The following DCC variants were observed in gnomAD, a reference collection of about 807,000 sequenced individuals.
DCC encodes netrin receptor DCC.
A neutral mutation model predicts 172.5 loss-of-function variants in DCC; 58 were observed. That is an observed-to-expected ratio of 0.34 (90% CI 0.27 to 0.42). The LOEUF (loss-of-function observed/expected upper bound fraction) is 0.42. Among genes scored for constraint, DCC ranks in the 10% least tolerant of loss-of-function variants. The probability of loss-of-function intolerance (pLI) is 1.00; values close to 1 mark genes in which losing one functional copy is unlikely to be tolerated. For synonymous variants in DCC, 709 were observed against 644.5 expected (o/e 1.10, Z -1.52); for missense variants, 1,740 against 1,791.0 (o/e 0.97, Z 0.51).
intron 1 of DCC, among the ~76,000 whole-genome samples, chr18:52,701,264 A>C (rs2036118588): frequency 6.6e-6 from 1 of 152,102 alleles, no homozygotes; most frequent in African/African-American, 2.4e-5. Context: ...CTTCTTATTG[A>C]TATCCTAGCT....
At chr18:53,139,061 A>G (rs368310520) in intron 7 of DCC, among the ~76,000 whole-genome samples, 3 of 152,176 alleles carry the variant, frequency 2.0e-5, no homozygotes, top group African/African-American at 7.2e-5. Context: ...GTACTTCTGC[A>G]CTATCCAATG....
intron 2 of DCC, among the ~76,000 whole-genome samples, chr18:52,795,228 A>G (rs9945670): frequency 0.049 from 7,407 of 152,086 alleles, 245 homozygotes; most frequent in South Asian, 0.16. Flanking sequence ...ACATTTGATA[A>G]AATGCAGAAT....
chr18:53,122,525 C>T (rs2043497301), intron 7 of DCC, among the ~76,000 whole-genome samples: 1 of 151,808 alleles, frequency 6.6e-6, no homozygotes, highest in South Asian at 2.1e-4. Context: ...TTTTTTTCAG[C>T]TGATTCTTCT....
At chr18:52,550,164 A>G (rs2144720848) in intron 1 of DCC, among the ~76,000 whole-genome samples, 1 of 152,118 alleles carries the variant, frequency 6.6e-6, no homozygotes, top group East Asian at 1.9e-4. Context: ...CCCAAACATA[A>G]TCATGAGAAA....
At chr18:52,733,442 C>T (rs1477275892) in intron 1 of DCC, among the ~76,000 whole-genome samples, 1 of 152,114 alleles carries the variant, frequency 6.6e-6, no homozygotes, top group Non-Finnish European at 1.5e-5. Context: ...TGTAACTAGT[C>T]TGCAGCCATC....
intron 5 of DCC, among the ~76,000 whole-genome samples, chr18:53,041,234 C>T (rs946737034): frequency 6.6e-5 from 10 of 152,094 alleles, no homozygotes; most frequent in African/African-American, 1.4e-4. Context: ...CTGCATATGG[C>T]TAGCCAGTTT....
intron 5 of DCC, among the ~76,000 whole-genome samples, chr18:52,946,468 A>AT (rs112763445): frequency 0.048 from 7,219 of 150,544 alleles, 251 homozygotes; most frequent in African/African-American, 0.094. Flanking sequence ...TTAAAATGAC[A>AT]TTTTTTTTTT....
intron 15 of DCC, among the ~76,000 whole-genome samples, chr18:53,370,055 G>A (rs143450906): frequency 1.3e-5 from 2 of 151,612 alleles, no homozygotes; most frequent in Admixed American, 6.6e-5. Flanking sequence ...TTAATGTTTG[G>A]TAGAATTCAC....
chr18:52,940,691 A>G (rs1337033850), intron 5 of DCC, among the ~76,000 whole-genome samples: 2 of 151,818 alleles, frequency 1.3e-5, no homozygotes, highest in Non-Finnish European at 2.9e-5. Flanking sequence ...GGGAAATATA[A>G]TACAAACTAT....
chr18:53,094,685 G>A (rs1471532698), intron 7 of DCC, among the ~76,000 whole-genome samples: 1 of 152,182 alleles, frequency 6.6e-6, no homozygotes, highest in Non-Finnish European at 1.5e-5. Flanking sequence ...TAGAGAGATG[G>A]AGCAGAGAGA....
intron 2 of DCC, among the ~76,000 whole-genome samples, chr18:52,832,405 G>A (rs567644655): frequency 1.3e-5 from 2 of 151,376 alleles, no homozygotes; most frequent in South Asian, 4.2e-4. Context: ...AAAGAATTAG[G>A]ATTATAAATA....
intron 1 of DCC, among the ~76,000 whole-genome samples, chr18:52,696,606 G>T (rs925079212): frequency 2.0e-5 from 3 of 152,204 alleles, no homozygotes; most frequent in African/African-American, 7.2e-5. Context: ...GAGAGGAGAT[G>T]CAGATAAGCA....
At chr18:53,011,766 C>T (rs960954255) in intron 5 of DCC, among the ~76,000 whole-genome samples, 2 of 151,346 alleles carry the variant, frequency 1.3e-5, no homozygotes, top group East Asian at 1.9e-4. Context: ...TTTCTACCAA[C>T]GTATTCCATC....
chr18:52,791,594 C>A (rs1039454065), intron 2 of DCC, among the ~76,000 whole-genome samples: 10 of 152,058 alleles, frequency 6.6e-5, no homozygotes, highest in African/African-American at 1.9e-4. Flanking sequence ...AATGCTCACC[C>A]AAGTGGCTCT....
intron 1 of DCC, among the ~76,000 whole-genome samples, chr18:52,558,503 T>G (rs964192970): frequency 6.6e-6 from 1 of 152,192 alleles, no homozygotes; most frequent in African/African-American, 2.4e-5. Flanking sequence ...GGCAGTGAGA[T>G]GAACATATTC....
At chr18:52,901,859 A>C (rs2039813519) in intron 2 of DCC, among the ~76,000 whole-genome samples, 1 of 152,242 alleles carries the variant, frequency 6.6e-6, no homozygotes, top group African/African-American at 2.4e-5. Flanking sequence ...AATACAGAAA[A>C]CATCCACATG....
rs138354521 is a variant in DCC, at chr18:52,672,436, TAGAG to T, written c.92-79602_92-79599del. 1.9e-3 allele frequency among the ~76,000 whole-genome samples: 285 copies of T among 149,804 alleles called. 1 individual carries two copies. Among genetic ancestry groups the T allele is most frequent in the Non-Finnish European group, 3.0e-3 (204 of 67,140 alleles). ...TGTATCCAATTTTTATGGAAATGGG[TAGAG>T]AGAGAGAGAGAGAGATTGAACAAGA... On this transcript the variant is annotated intron_variant, in intron 1 of 28. Transcript: ENST00000442544.
At chr18:52,915,328 C>T (rs1212330626) in intron 3 of DCC, among the ~76,000 whole-genome samples, 1 of 152,046 alleles carries the variant, frequency 6.6e-6, no homozygotes, top group African/African-American at 2.4e-5. Context: ...TTTAGGGTCC[C>T]AGGTTGGATA....
chr18:52,865,217 G>A (rs11535044), intron 2 of DCC, among the ~76,000 whole-genome samples: 69,344 of 151,788 alleles, frequency 0.46, 15,994 homozygotes, highest in South Asian at 0.55. Context: ...TATGTGCCAC[G>A]TTTTCTTTAT....
Sources: gnomAD v4.1 joint callset for allele counts (sites outside exome capture counted in the v4.1 genomes callset) on GRCh38, gnomAD v4.1.1 for gene constraint, MANE v1.5 for transcripts, NCBI Gene and HGNC (gene_info 2026-07-23, HGNC 2026-07-21) for gene names.